The following HUNK variants were observed in gnomAD, a reference collection of about 807,000 sequenced individuals.
The protein encoded by HUNK is hormonally up-regulated Neu-associated kinase.
Under a neutral mutation model 61.0 loss-of-function variants are expected in HUNK, and 21 were observed. The ratio of observed to expected loss-of-function variants is 0.34; its 90% CI spans 0.24 to 0.50. The LOEUF is 0.50. Ranked by LOEUF, HUNK falls within the 20% of genes least tolerant of loss-of-function variation. The pLI, the probability that HUNK is intolerant of heterozygous loss-of-function variation, is 0.98. For synonymous variants in HUNK, 371 were observed against 386.1 expected, an observed-to-expected ratio of 0.96 and a Z score of 0.46; for missense variants, 772 against 945.7, an observed-to-expected ratio of 0.82 and a Z score of 2.41.
At chr21:31,979,512 A>ATTTTTTTTTTTTTTTTTTTTT (rs1568940203) in intron 7 of HUNK, among the ~76,000 whole-genome samples, 1 of 99,508 alleles carries the variant, frequency 1.0e-5, no homozygotes, top group Non-Finnish European at 2.0e-5. Flanking sequence ...AGTTGTTTGC[A>ATTTTTTTTTTTTTTTTTTTTT]TTCTTTTTTT....
intron 1 of HUNK, among the ~76,000 whole-genome samples, chr21:31,902,210 G>A (rs916332867): frequency 2.0e-5 from 3 of 152,152 alleles, no homozygotes; most frequent in Non-Finnish European, 4.4e-5. Flanking sequence ...GGTTCACACA[G>A]ATTAAGAAAG....
chr21:31,920,415 G>A (rs1178084367), intron 1 of HUNK, among the ~76,000 whole-genome samples: 5 of 152,200 alleles, frequency 3.3e-5, no homozygotes, highest in African/African-American at 7.2e-5. Flanking sequence ...TAAAAAGGCA[G>A]ATTGTATTAC....
chr21:31,966,052 C>T (rs1250145958), intron 5 of HUNK, among the ~76,000 whole-genome samples: 1 of 152,134 alleles, frequency 6.6e-6, no homozygotes, highest in Non-Finnish European at 1.5e-5. Flanking sequence ...CTATTATCCC[C>T]TGCCCCTCTC....
chr21:31,953,586 C>G (rs937943566), intron 4 of HUNK, among the ~76,000 whole-genome samples: 1 of 152,174 alleles, frequency 6.6e-6, no homozygotes, highest in Non-Finnish European at 1.5e-5. Flanking sequence ...TAGCTTTTTC[C>G]CTCTTATTTT....
chr21:31,916,643 C>T (rs1042050328), intron 1 of HUNK, among the ~76,000 whole-genome samples: 2 of 151,660 alleles, frequency 1.3e-5, no homozygotes, highest in African/African-American at 4.8e-5. Flanking sequence ...ACTCTTCCTC[C>T]TCTTCCTCTC....
At chr21:31,958,359 C>T (rs372083210) in intron 4 of HUNK, among the ~76,000 whole-genome samples, 3 of 151,848 alleles carry the variant, frequency 2.0e-5, no homozygotes, top group East Asian at 1.9e-4. Flanking sequence ...AGTGCAATGG[C>T]GTGATCTTGG....
chr21:31,902,838 G>T (rs919342350), intron 1 of HUNK, among the ~76,000 whole-genome samples: 3 of 152,136 alleles, frequency 2.0e-5, no homozygotes, highest in Non-Finnish European at 2.9e-5. Flanking sequence ...TTTATTTATT[G>T]ATTTTCTAGA....
chr21:31,916,102 G>T (rs1048642780), intron 1 of HUNK, among the ~76,000 whole-genome samples: 2 of 136,062 alleles, frequency 1.5e-5, no homozygotes, highest in Non-Finnish European at 3.1e-5. Flanking sequence ...CCAGGCTGGA[G>T]TGCAGCGGCG....
Position 31,983,615 on chromosome 21 carries a change from T to A in HUNK, c.1257+6T>A. 7.1e-6 allele frequency: 11 copies of A among 1,543,290 alleles called. No individual in the cohort carries two copies. The highest frequency in any genetic ancestry group is 1.4e-5 in the African/African-American group (1 of 73,622). On this transcript the variant is annotated splice_donor_region_variant and intron_variant, in intron 8 of 10. Transcript: ENST00000270112. ...CCCCCAAGGAGTCCTATGAGGTGAGTGACCCCTGAAGCAAACCTCAGGGTC... is the reference window on the plus strand; with the variant it reads ...CCCCCAAGGAGTCCTATGAGGTGAGAGACCCCTGAAGCAAACCTCAGGGTC...
At chr21:31,995,276 T>G (rs1465362613) in intron 9 of HUNK, among the ~76,000 whole-genome samples, 1 of 151,810 alleles carries the variant, frequency 6.6e-6, no homozygotes, top group Non-Finnish European at 1.5e-5. Flanking sequence ...TCAGGACCGC[T>G]CAGGGCTCTC....
intron 1 of HUNK, among the ~76,000 whole-genome samples, chr21:31,875,973 A>G (rs55889745): frequency 0.32 from 48,628 of 152,080 alleles, 8,125 homozygotes; most frequent in Middle Eastern, 0.44. Flanking sequence ...GAGCTCAGCC[A>G]GCGCTTGGGT....
intron 4 of HUNK, among the ~76,000 whole-genome samples, chr21:31,947,521 G>A (rs1389514578): frequency 6.6e-6 from 1 of 152,208 alleles, no homozygotes; most frequent in Admixed American, 6.5e-5. Context: ...TCCTTTTCCT[G>A]TTTTAAATCC....
intron 1 of HUNK, among the ~76,000 whole-genome samples, chr21:31,881,487 A>T (rs1343784980): frequency 6.6e-6 from 1 of 151,944 alleles, no homozygotes; most frequent in East Asian, 1.9e-4. Flanking sequence ...AAATTAGCCA[A>T]GTGTGTGTTC....
intron 1 of HUNK, among the ~76,000 whole-genome samples, chr21:31,917,695 TACACACACACACACACACACACACAC>T (rs3056146): frequency 0.013 from 1,228 of 94,950 alleles, 13 homozygotes; most frequent in Non-Finnish European, 0.02. Context: ...TTCCCAAACA[TACACACACACACACACACACACACAC>T]ACACACACAC....
intron 1 of HUNK, among the ~76,000 whole-genome samples, chr21:31,896,180 T>C (rs2123796071): frequency 6.6e-6 from 1 of 152,232 alleles, no homozygotes; most frequent in South Asian, 2.1e-4. Flanking sequence ...TGTGAGAAAA[T>C]ACAGTTCTGT....
At chr21:31,976,014 G>T (rs936621343) in intron 7 of HUNK, among the ~76,000 whole-genome samples, 10 of 152,196 alleles carry the variant, frequency 6.6e-5, no homozygotes, top group Admixed American at 5.9e-4. Context: ...TTGTGCTTCC[G>T]CAGGAAATTA....
intron 1 of HUNK, among the ~76,000 whole-genome samples, chr21:31,908,055 T>A (rs192332383): frequency 5.8e-4 from 89 of 152,182 alleles, no homozygotes; most frequent in East Asian, 5.8e-3. Flanking sequence ...AATAAAAAAA[T>A]TTTTTTTAAA....
chr21:31,982,072 C>A, intron 7 of HUNK, among the ~76,000 whole-genome samples: 1 of 152,116 alleles, frequency 6.6e-6, no homozygotes, highest in African/African-American at 2.4e-5. Context: ...TGATTTCTTT[C>A]TCTTGCCTAA....
chr21:31,883,974 C>T (rs766381088), intron 1 of HUNK, among the ~76,000 whole-genome samples: 3 of 152,130 alleles, frequency 2.0e-5, no homozygotes, highest in African/African-American at 7.2e-5. Flanking sequence ...GATTCTGCCC[C>T]GACCCTTACC....
Sources: gnomAD v4.1 joint callset for allele counts (sites outside exome capture counted in the v4.1 genomes callset) on GRCh38, gnomAD v4.1.1 for gene constraint, MANE v1.5 for transcripts, NCBI Gene and HGNC (gene_info 2026-07-23, HGNC 2026-07-21) for gene names.